Variants in NXN observed in about 807,000 individuals in gnomAD.
NXN encodes nucleoredoxin, also known as nucleoredoxin 1.
Under a neutral mutation model 48.6 loss-of-function variants are expected in NXN, and 16 were observed. The observed-to-expected ratio is 0.33, with a 90% CI of 0.22 to 0.50. The LOEUF (loss-of-function observed/expected upper bound fraction) is 0.50, where lower values mean the gene tolerates loss of function less well. NXN is among the 20% of genes least tolerant of loss of function. The pLI is 0.98. For synonymous variants in NXN, 281 were observed against 269.6 expected (o/e 1.04, Z -0.41); for missense variants, 492 against 605.5 (o/e 0.81, Z 1.97).
intron 1 of NXN, among the ~76,000 whole-genome samples, chr17:904,709 A>G (rs2068567774): frequency 6.6e-6 from 1 of 151,988 alleles, no homozygotes; most frequent in Non-Finnish European, 1.5e-5. Flanking sequence ...ACATCCAGCT[A>G]ATTTTTGTAT....
At chr17:872,231 A>G (rs895245306) in intron 1 of NXN, among the ~76,000 whole-genome samples, 20 of 149,962 alleles carry the variant, frequency 1.3e-4, no homozygotes, top group Non-Finnish European at 2.7e-4. Flanking sequence ...AGGGAGAGAG[A>G]GAGAGACGGA....
intron 1 of NXN, among the ~76,000 whole-genome samples, chr17:900,280 GA>G (rs35633720): frequency 0.8 from 121,629 of 151,428 alleles, 49,046 homozygotes; most frequent in Middle Eastern, 0.9. Context: ...ACAAAAAAAG[GA>G]AAAAAAAACA....
intron 1 of NXN, among the ~76,000 whole-genome samples, chr17:904,221 CG>C (rs1445032881): frequency 6.6e-6 from 1 of 152,194 alleles, no homozygotes; most frequent in Non-Finnish European, 1.5e-5. Flanking sequence ...GCTGGCCGAG[CG>C]GACTTCCAAA....
At chr17:885,182 G>A (rs1005085653) in intron 1 of NXN, among the ~76,000 whole-genome samples, 3 of 152,156 alleles carry the variant, frequency 2.0e-5, no homozygotes, top group African/African-American at 4.8e-5. Context: ...CAACATATGC[G>A]GCCGGTCGCA....
At chr17:826,159 AGGCT>A in intron 1 of NXN, 81 bp from the exon 2 acceptor site, 1 of 901,108 alleles carries the variant, frequency 1.1e-6, no homozygotes, top group Non-Finnish European at 1.9e-6. Context: ...TTAGGTCTGG[AGGCT>A]GGATGAACAG....
intron 1 of NXN, among the ~76,000 whole-genome samples, chr17:868,192 T>C (rs2068112907): frequency 6.6e-6 from 1 of 152,160 alleles, no homozygotes; most frequent in African/African-American, 2.4e-5. Context: ...CTCTCCTCTG[T>C]CCTTCACACA....
intron 5 of NXN, among the ~76,000 whole-genome samples, chr17:810,631 T>TTA (rs759040569): frequency 3.3e-5 from 5 of 152,336 alleles, no homozygotes; most frequent in Non-Finnish European, 7.3e-5. Flanking sequence ...GGCTCACACC[T>TTA]GTAATCCTGG....
intron 5 of NXN, among the ~76,000 whole-genome samples, chr17:810,225 GTGTGAGTGGCGTGCACGTTACGAGTC>G (rs1567810821): frequency 5.8e-4 from 63 of 109,322 alleles, no homozygotes; most frequent in Non-Finnish European, 6.4e-4. Flanking sequence ...TTACGAGTCC[GTGTGAGTGGCGTGCACGTTACGAGTC>G]TGTGAGTGGC....
intron 1 of NXN, among the ~76,000 whole-genome samples, chr17:904,715 T>C (rs1262682498): frequency 6.6e-6 from 1 of 152,138 alleles, no homozygotes; most frequent in Admixed American, 6.5e-5. Context: ...AGCTAATTTT[T>C]GTATTTTTAG....
chr17:878,324 TGAGCA>T (rs1567845006), intron 1 of NXN: 1 of 141,648 alleles, frequency 7.1e-6, no homozygotes, highest in Non-Finnish European at 1.5e-5. Context: ...CCAGTGTGGC[TGAGCA>T]GAGTGTGCAA....
At chr17:869,366 C>G (rs2068127272) in intron 1 of NXN, among the ~76,000 whole-genome samples, 1 of 152,116 alleles carries the variant, frequency 6.6e-6, no homozygotes, top group Admixed American at 6.6e-5. Flanking sequence ...GCTCTCTGAT[C>G]CAGGAGCCCC....
intron 1 of NXN, among the ~76,000 whole-genome samples, chr17:905,976 C>CAAAAAAAA (rs71145792): frequency 8.4e-6 from 1 of 118,576 alleles, no homozygotes. Flanking sequence ...GACCTTGTCT[C>CAAAAAAAA]AAAAAAAAAA....
chr17:810,590 T>TA (rs1176605526), intron 5 of NXN, among the ~76,000 whole-genome samples: 1 of 151,882 alleles, frequency 6.6e-6, no homozygotes, highest in Admixed American at 6.6e-5. Context: ...CTCCCCTGCT[T>TA]AGAGAGTTAA....
Position 967,056 on chromosome 17 carries a change from G to A in NXN, c.360+12263C>T, listed in dbSNP as rs115046720. Among the ~76,000 whole-genome samples, 1,063 of 152,158 alleles carry A rather than the reference G, an allele frequency of 7.0e-3. 12 individuals are homozygous for A. Among genetic ancestry groups the A allele is most frequent in the African/African-American group, 0.024 (978 of 41,500 alleles). Reference sequence around the variant, plus strand: ...AACACCCCACACAGAGACGGTGACCGTAGGGGCCACTCTCCCTCAGTAATA... The same window carrying A: ...AACACCCCACACAGAGACGGTGACCATAGGGGCCACTCTCCCTCAGTAATA... On this transcript the variant is annotated intron_variant, in intron 1 of 7. Coordinates refer to ENST00000336868, the MANE Select transcript of NXN (RefSeq NM_022463.5).
intron 5 of NXN, among the ~76,000 whole-genome samples, chr17:809,995 T>TACGTTACGAGTCTGTGAGTGGCGTGC (rs1911840203): frequency 1.4e-5 from 1 of 69,756 alleles, no homozygotes; most frequent in Non-Finnish European, 3.0e-5. Flanking sequence ...GAGTGGCGTG[T>TACGTTACGAGTCTGTGAGTGGCGTGC]ACGTTACGAG....
At chr17:968,434 G>A (rs538377272) in intron 1 of NXN, among the ~76,000 whole-genome samples, 16 of 152,072 alleles carry the variant, frequency 1.1e-4, no homozygotes, top group Admixed American at 5.2e-4. Flanking sequence ...GCAGCCCGGC[G>A]TGGTGGTGCA....
chr17:873,483 A>G (rs1319699375), intron 1 of NXN, among the ~76,000 whole-genome samples: 10 of 141,106 alleles, frequency 7.1e-5, no homozygotes, highest in African/African-American at 2.5e-4. Flanking sequence ...GGAGACAGAG[A>G]CACTGTCTCC....
At chr17:801,980 ACTT>A (rs1348169634) in intron 7 of NXN, among the ~76,000 whole-genome samples, 1 of 152,204 alleles carries the variant, frequency 6.6e-6, no homozygotes, top group Non-Finnish European at 1.5e-5. Flanking sequence ...CTGCCTCACT[ACTT>A]ATCTGAGAAA....
chr17:834,955 GA>G (rs1913708679), intron 1 of NXN, among the ~76,000 whole-genome samples: 1 of 151,620 alleles, frequency 6.6e-6, no homozygotes, highest in East Asian at 2.0e-4. Flanking sequence ...GCATTCTCAT[GA>G]TCCCTTGCTG....
Sources: gnomAD v4.1 joint callset for allele counts (sites outside exome capture counted in the v4.1 genomes callset) on GRCh38, gnomAD v4.1.1 for gene constraint, MANE v1.5 for transcripts, NCBI Gene and HGNC (gene_info 2026-07-23, HGNC 2026-07-21) for gene names.